Variants in BAG2 observed in about 807,000 individuals in gnomAD.
BAG2 encodes BAG family molecular chaperone regulator 2.
In BAG2, 8 loss-of-function variants were observed where a neutral mutation model predicts 16.4. The observed-to-expected ratio is 0.49, with a 90% CI of 0.29 to 0.88. The LOEUF (loss-of-function observed/expected upper bound fraction) is 0.88, where lower values mean the gene tolerates loss of function less well. Among genes scored for constraint, BAG2 ranks in the 40% least tolerant of loss-of-function variants. BAG2 has a pLI of 0.09. For missense variants in BAG2, 218 were observed against 248.9 expected (o/e 0.88, Z 0.84); for synonymous variants, 82 against 89.2 (o/e 0.92, Z 0.46).
chr6:57,183,694 G>T (rs1042301126), intron 2 of BAG2, 84 bp from the exon 3 acceptor site: 1 of 1,276,152 alleles, frequency 7.8e-7, no homozygotes, highest in Non-Finnish European at 1.1e-6. Context: ...CATGGCAGAG[G>T]TAAAGAAAAT....
At chr6:57,179,864 CA>C (rs1764388598) in intron 1 of BAG2, among the ~76,000 whole-genome samples, 1 of 150,646 alleles carries the variant, frequency 6.6e-6, no homozygotes. Flanking sequence ...GGGCTTTACA[CA>C]AAAAAGCCAC....
intron 1 of BAG2, among the ~76,000 whole-genome samples, chr6:57,177,561 A>G (rs918582331): frequency 1.3e-5 from 2 of 152,210 alleles, no homozygotes; most frequent in Non-Finnish European, 2.9e-5. Context: ...ATAGCTATTA[A>G]TACTATAAAT....
rs2127995415 is a variant in BAG2 at position 57,188,714 on chromosome 6, A to AAAAT, written c.*4527_*4530dup. ...GGGAGTGGTGACAACTGGTGACATA[A>AAAAT]AAATAAGCATTTTACATTACTGTGA... is the stretch of plus-strand genomic sequence containing the variant. On this transcript the variant is annotated 3_prime_UTR_variant, in exon 3 of 3. Transcript: ENST00000370693. 6.6e-6 allele frequency: 1 copy of AAAAT among 152,356 alleles called. No homozygotes were observed. Among genetic ancestry groups the AAAAT allele is most frequent in the South Asian group, 2.1e-4 (1 of 4,834 alleles). The allele number at this position is 152,356 out of a possible 1,614,324, so 9.4% of individuals were successfully genotyped here.
rs1354521613 is a variant in BAG2 at position 57,187,781 on chromosome 6, A to G, written c.*3591A>G. 6.6e-6 allele frequency: 1 copy of G among 151,954 alleles called. No individual in the cohort carries two copies. The highest frequency in any genetic ancestry group is 2.4e-5 in the African/African-American group (1 of 41,348). 9.4% of individuals were successfully genotyped at this position (151,954 alleles called of 1,614,324 possible). On this transcript the variant is annotated 3_prime_UTR_variant, in exon 3 of 3. Coordinates refer to ENST00000370693, the MANE Select transcript of BAG2 (RefSeq NM_004282.4). ...AGTTCCTTCTGAGCACTGCACTGCC[A>G]ACTTCTAAAGCAACCACCTAGAACT...
chr6:57,184,132 A>G lies in BAG2; in HGVS notation c.578A>G (p.His193Arg). The G allele has an allele frequency of 6.3e-7, 1 of 1,578,834 alleles. No homozygotes were observed. The highest frequency in any genetic ancestry group is 8.5e-7 in the Non-Finnish European group (1 of 1,170,044). Residue 193 changes from histidine (H) to arginine (R), a missense_variant, in exon 3 of 3, where the codon CAT becomes CGT. Physicochemically the swap from His to Arg is conservative, Grantham distance 29. Transcript: ENST00000370693. ...NSDKAIKLLE[H>R]SKGAGSKTLQ... Reference sequence around the variant, plus strand: ...GACAAGGCCATCAAGCTATTAGAGCATTCTAAAGGAGCTGGTTCCAAAACT... The same window carrying G: ...GACAAGGCCATCAAGCTATTAGAGCGTTCTAAAGGAGCTGGTTCCAAAACT...
In BAG2 at chr6:57,172,669, C is replaced by T; in HGVS notation, c.-29C>T. ...CGCTGCCGCCGGAGGGGCCGGTGAC[C>T]TCTTGGCTACCCCGCGTCGGAGGCT... On this transcript the variant is annotated 5_prime_UTR_variant, in exon 1 of 3. Coordinates refer to ENST00000370693, the MANE Select transcript of BAG2 (RefSeq NM_004282.4). 1 of 1,494,642 alleles carries T rather than the reference C, an allele frequency of 6.7e-7. No homozygotes were observed. Among genetic ancestry groups the T allele is most frequent in the East Asian group, 2.8e-5 (1 of 35,424 alleles). The allele number at this position is 1,494,642 out of a possible 1,614,324, so 92.6% of individuals were successfully genotyped here. A position where few individuals can be genotyped will look rare whatever the true frequency, so the allele number is the denominator to read the frequency against.
intron 1 of BAG2, among the ~76,000 whole-genome samples, chr6:57,180,811 C>T (rs1764418350): frequency 6.6e-6 from 1 of 151,780 alleles, no homozygotes; most frequent in Non-Finnish European, 1.5e-5. Flanking sequence ...AAGAGTCTCT[C>T]TTTAGTGCAA....
chr6:57,180,459 T>C (rs1196885165), intron 1 of BAG2, among the ~76,000 whole-genome samples: 2 of 151,786 alleles, frequency 1.3e-5, no homozygotes, highest in Admixed American at 6.6e-5. Context: ...AACCCAAAAC[T>C]TGGCACTGGT....
chr6:57,177,684 G>A (rs1764322718), intron 1 of BAG2, among the ~76,000 whole-genome samples: 1 of 152,104 alleles, frequency 6.6e-6, no homozygotes, highest in Non-Finnish European at 1.5e-5. Flanking sequence ...ACTTCATTTA[G>A]TCACAAGCAC....
In BAG2 at chr6:57,187,255, G is replaced by A. The variant is rs1764637162; in HGVS notation, c.*3065G>A. The A allele has an allele frequency of 1.3e-5, 2 of 152,284 alleles. No homozygotes were observed. The highest frequency in any genetic ancestry group is 4.1e-4 in the South Asian group (2 of 4,832). 9.4% of individuals were successfully genotyped at this position (152,284 alleles called of 1,614,324 possible). A position where few individuals can be genotyped will look rare whatever the true frequency, so the allele number is the denominator to read the frequency against. Reference sequence around the variant, plus strand: ...ACTGTAGATATTTCGAGAGACAGATGAAAATAATAATAATAAAGATTATTA... The same window carrying A: ...ACTGTAGATATTTCGAGAGACAGATAAAAATAATAATAATAAAGATTATTA... On this transcript the variant is annotated 3_prime_UTR_variant, in exon 3 of 3. Transcript: ENST00000370693.
chr6:57,186,877 C>T lies in BAG2; in HGVS notation c.*2687C>T, dbSNP rs151221772. 2.6e-5 allele frequency: 4 copies of T among 152,180 alleles called. No individual in the cohort carries two copies. The highest frequency in any genetic ancestry group is 9.6e-5 in the African/African-American group (4 of 41,516). 9.4% of individuals were successfully genotyped at this position (152,180 alleles called of 1,614,324 possible). ...ATAAAATGAGAGTATTAAATATTGG[C>T]AGAGTATCTGAAATATGAAATAATT... On this transcript the variant is annotated 3_prime_UTR_variant, in exon 3 of 3. Transcript: ENST00000370693.
intron 1 of BAG2, 96 bp downstream of exon 1, chr6:57,172,906 C>A: frequency 9.0e-7 from 1 of 1,112,408 alleles, no homozygotes; most frequent in Non-Finnish European, 1.2e-6. Flanking sequence ...GGGCCGGGGC[C>A]TGGGGCACAG....
At position 57,182,022 on chromosome 6, in the gene BAG2, A is replaced by G. The variant is rs1395999118; in HGVS notation, c.114-10A>G. 1.2e-6 allele frequency: 2 copies of G among 1,611,832 alleles called. No individual in the cohort carries two copies. The highest frequency in any genetic ancestry group is 1.7e-5 in the Admixed American group (1 of 59,654). Reference sequence around the variant, plus strand: ...ATACAATAACCGTTTTGTTTTCCCAATTTCTATAGGGTTGAAGCTTTGAGA... The same window carrying G: ...ATACAATAACCGTTTTGTTTTCCCAGTTTCTATAGGGTTGAAGCTTTGAGA... On this transcript the variant is annotated splice_polypyrimidine_tract_variant and intron_variant, in intron 1 of 2. Transcript: ENST00000370693.
chr6:57,174,485 A>C, intron 1 of BAG2: 1 of 1,056,066 alleles, frequency 9.5e-7, no homozygotes, highest in South Asian at 1.4e-5. Context: ...ATTAATGTAA[A>C]ATGAATTCTG....
At chr6:57,183,507 G>A (rs1764531681) in intron 2 of BAG2, among the ~76,000 whole-genome samples, 1 of 152,162 alleles carries the variant, frequency 6.6e-6, no homozygotes, top group East Asian at 1.9e-4. Context: ...CTCCATCCCA[G>A]TTACAAATGC....
intron 1 of BAG2, among the ~76,000 whole-genome samples, chr6:57,179,074 T>G (rs1457909388): frequency 6.6e-6 from 1 of 152,228 alleles, no homozygotes. Context: ...ATCAATCACA[T>G]GATTCACCTG....
At position 57,187,882 on chromosome 6, in the gene BAG2, T is replaced by TATCATCA. The variant is rs1554307768; in HGVS notation, c.*3696_*3697insTCAATCA. The TATCATCA allele has an allele frequency of 6.6e-6, 1 of 152,112 alleles. No individual in the cohort carries two copies. The highest frequency in any genetic ancestry group is 2.4e-5 in the African/African-American group (1 of 41,372). The allele number at this position is 152,112 out of a possible 1,614,324, so 9.4% of individuals were successfully genotyped here. ...TTTATTTTGAAAAAGTAACGTGTGCTATCAACTTTGGGCAGATACAAAGGA... is the reference window on the plus strand; with the variant it reads ...TTTATTTTGAAAAAGTAACGTGTGCTATCATCAATCAACTTTGGGCAGATACAAAGGA... On this transcript the variant is annotated 3_prime_UTR_variant, in exon 3 of 3. Coordinates refer to ENST00000370693, the MANE Select transcript of BAG2 (RefSeq NM_004282.4).
chr6:57,176,011 G>GT (rs1764274800), intron 1 of BAG2, among the ~76,000 whole-genome samples: 1 of 152,308 alleles, frequency 6.6e-6, no homozygotes, highest in East Asian at 1.9e-4. Flanking sequence ...GTCTCCAGGT[G>GT]TAGGGAGTGT....
chr6:57,173,503 GT>G, intron 1 of BAG2: 3 of 984,086 alleles, frequency 3.0e-6, no homozygotes, highest in Non-Finnish European at 3.6e-6. Flanking sequence ...CTAAGTGCTA[GT>G]TACTGGCCTG....
Sources: gnomAD v4.1 joint callset for allele counts (sites outside exome capture counted in the v4.1 genomes callset) on GRCh38, gnomAD v4.1.1 for gene constraint, MANE v1.5 for transcripts, NCBI Gene and HGNC (gene_info 2026-07-23, HGNC 2026-07-21) for gene names.